The following DNHD1 variants were observed in gnomAD, a reference collection of about 807,000 sequenced individuals.
The protein encoded by DNHD1 is dynein heavy chain domain 1.
DNHD1 carries 383 observed loss-of-function variants against 458.1 expected under a neutral mutation model. The observed-to-expected ratio is 0.84, with a 90% confidence interval of 0.77 to 0.91. The LOEUF (loss-of-function observed/expected upper bound fraction) is 0.91. Ranked by LOEUF, DNHD1 falls within the 40% of genes least tolerant of loss-of-function variation. DNHD1 has a pLI of 0.00. For missense variants in DNHD1, 5,336 were observed against 5,866.1 expected, an observed-to-expected ratio of 0.91 and a Z score of 2.95; for synonymous variants, 2,203 against 2,376.9, an observed-to-expected ratio of 0.93 and a Z score of 2.13.
intron 24 of DNHD1, among the ~76,000 whole-genome samples, chr11:6,551,657 C>A (rs776381437): frequency 5.3e-5 from 8 of 152,152 alleles, no homozygotes; most frequent in Admixed American, 1.3e-4. Flanking sequence ...AAAAAGGGAG[C>A]CAGGGCCGGG....
In DNHD1 at chr11:6,548,399, C is replaced by T. The variant is rs1853268249; in HGVS notation, c.7095C>T (p.Ile2365=). The change falls in exon 23 of 43, where the codon ATC becomes ATT. Residue 2365 remains isoleucine, a synonymous_variant. Coordinates refer to ENST00000254579, the MANE Select transcript of DNHD1 (RefSeq NM_144666.3). The surrounding 1 kb of genome is among the most constrained non-coding windows in gnomAD (Gnocchi z 4.4). ...CTTTGGGCACCTTTCACCCTTCTAT[C>T]CAGGTGTGAGGACAGTAAGGCAAGA... The part of the protein sequence containing the change: ...KGTLGTFHPS[I]QTERLLYVVD... 1.3e-6 allele frequency: 2 copies of T among 1,551,652 alleles called. No homozygotes were observed. The highest frequency in any genetic ancestry group is 1.7e-6 in the Non-Finnish European group (2 of 1,146,958).
In DNHD1 at chr11:6,548,110, A is replaced by G; in HGVS notation, c.6905+70A>G. ...GACTGGCCCATGGAAGTAAAAACCC[A>G]CATGACATCACTGTTAGGGTATGGT... On this transcript the variant is annotated intron_variant, in intron 22 of 42. Transcript: ENST00000254579. This position sits in a 1 kb window ranked among gnomAD's most constrained non-coding sequence, Gnocchi z 4.4. The G allele has an allele frequency of 1.9e-6, 3 of 1,546,552 alleles. No homozygotes were observed. Among genetic ancestry groups the G allele is most frequent in the Non-Finnish European group, 2.6e-6 (3 of 1,142,406 alleles).
In DNHD1 at chr11:6,566,694, G is replaced by T. The variant is rs1853708487; in HGVS notation, c.11314G>T (p.Glu3772Ter). Reference protein sequence around the residue: ...LHEILCREYPELETRWQDLKI... With the variant: ...LHEILCREYP ...TGAAATCTTGTGCAGAGAGTATCCT[G>T]AACTCGAGACCCGCTGGCAGGACCT... is the stretch of plus-strand genomic sequence containing the variant. The change falls in exon 35 of 43, where the codon GAA becomes TAA. Residue 3772 changes from glutamate to a stop codon, truncating the protein, a stop_gained. Coordinates refer to ENST00000254579, the MANE Select transcript of DNHD1 (RefSeq NM_144666.3). LOFTEE classifies it high-confidence loss of function. 6.2e-7 allele frequency: 1 copy of T among 1,612,792 alleles called. No homozygotes were observed. The highest frequency in any genetic ancestry group is 8.5e-7 in the Non-Finnish European group (1 of 1,179,448).
At chr11:6,533,546 C>T in intron 13 of DNHD1, 135 bp from the exon 14 acceptor site, 1 of 1,156,638 alleles carries the variant, frequency 8.6e-7, no homozygotes, top group East Asian at 2.6e-5. Flanking sequence ...GAGATTGCCC[C>T]TGATTCCAGT....
chr11:6,567,039 A>G lies in DNHD1; in HGVS notation c.11530A>G (p.Met3844Val), dbSNP rs762541919. The G allele has an allele frequency of 2.5e-6, 4 of 1,613,960 alleles. No individual in the cohort carries two copies. The highest frequency in any genetic ancestry group is 2.5e-6 in the Non-Finnish European group (3 of 1,179,874). The change falls in exon 36 of 43, where the codon ATG becomes GTG. Residue 3844 changes from methionine (M) to valine (V), a missense_variant. Physicochemically the swap from Met to Val is conservative, Grantham distance 21 (BLOSUM62 1). Coordinates refer to ENST00000254579, the MANE Select transcript of DNHD1 (RefSeq NM_144666.3). ...GTTAGAAGGGCAGAAACTACAGGAG[A>G]TGGTATTGTGGGCACCCTATCGACC... ...EELEGQKLQE[M>V]VLWAPYRPVV...
At chr11:6,553,093 T>C (rs1853396571) in intron 24 of DNHD1, among the ~76,000 whole-genome samples, 1 of 152,234 alleles carries the variant, frequency 6.6e-6, no homozygotes, top group Admixed American at 6.5e-5. Context: ...TAAACCTAAA[T>C]GCAAAAATAA....
intron 7 of DNHD1, among the ~76,000 whole-genome samples, chr11:6,514,069 A>G (rs1852404200): frequency 6.6e-6 from 1 of 151,900 alleles, no homozygotes; most frequent in African/African-American, 2.4e-5. Context: ...GATGGTCTCA[A>G]TCTCCTGACC....
At chr11:6,541,713 G>A (rs553695523) in intron 18 of DNHD1, among the ~76,000 whole-genome samples, 36 of 152,332 alleles carry the variant, frequency 2.4e-4, no homozygotes, top group Middle Eastern at 6.8e-3. Flanking sequence ...TTTGTGGGTA[G>A]TAACATAATT....
At chr11:6,520,990 G>GT in intron 10 of DNHD1, 7 of 472,114 alleles carry the variant, frequency 1.5e-5, no homozygotes, top group Non-Finnish European at 1.9e-5. Context: ...TTCACTGAAA[G>GT]GAACCTGTGT....
In DNHD1 at chr11:6,557,256, C is replaced by T; in HGVS notation, c.7961C>T (p.Thr2654Ile). 1 of 1,551,590 alleles carries T rather than the reference C, an allele frequency of 6.4e-7. No individual in the cohort carries two copies. Among genetic ancestry groups the T allele is most frequent in the South Asian group, 1.2e-5 (1 of 84,062 alleles). ...CTTTGGTTGCATGAGGCACAGAGAA[C>T]CTTTTGCGACCGGCTGGACAGCCCC... is the stretch of plus-strand genomic sequence containing the variant. ...VRLWLHEAQR[T>I]FCDRLDSPRE... Residue 2654 changes from threonine to isoleucine, a missense_variant, in exon 25 of 43, where the codon ACC becomes ATC. Physicochemically the swap from Thr to Ile is moderately conservative, Grantham distance 89. This residue lies in a region of DNHD1 where 3,932 missense variants were observed against 4,365.6 expected (regional missense o/e 0.90). Coordinates refer to ENST00000254579, the MANE Select transcript of DNHD1 (RefSeq NM_144666.3).
In DNHD1 at chr11:6,498,775, C is replaced by A; in HGVS notation, c.560C>A (p.Pro187Gln). ...GAGGAGCTGGCCACCTGGCTGCGAC[C>A]ATTGACACTGCCTGAGCTACAGCGC... ...VKEELATWLR[P>Q]LTLPELQRCL... Residue 187 changes from proline (P) to glutamine (Q), a missense_variant, in exon 3 of 43, where the codon CCA becomes CAA. Pro to Gln is a moderately conservative substitution (Grantham distance 76). This residue lies in a region of DNHD1 where 3,932 missense variants were observed against 4,365.6 expected (regional missense o/e 0.90). Transcript: ENST00000254579. 6.2e-7 allele frequency: 1 copy of A among 1,614,216 alleles called. No homozygotes were observed. The highest frequency in any genetic ancestry group is 8.5e-7 in the Non-Finnish European group (1 of 1,180,028).
chr11:6,562,889 G>C (rs1022623412), intron 28 of DNHD1, 93 bp from the exon 29 acceptor site: 1 of 1,410,316 alleles, frequency 7.1e-7, no homozygotes, highest in African/African-American at 1.4e-5. Context: ...TTTCAAGTGA[G>C]GAGTGTGCTA....
Position 6,568,715 on chromosome 11 carries a change from C to T in DNHD1, c.12712C>T (p.Leu4238=). ...MPVFWNQSLE[L]GHVLIDSVEL... ...TGTTTTCTGGAACCAGTCCCTGGAG[C>T]TGGGCCATGTTTTGATTGACAGTGT... The change falls in exon 39 of 43, where the codon CTG becomes TTG. Residue 4238 remains leucine, a synonymous_variant. Transcript: ENST00000254579. The T allele has an allele frequency of 6.2e-7, 1 of 1,613,864 alleles. No individual in the cohort carries two copies. Among genetic ancestry groups the T allele is most frequent in the Non-Finnish European group, 8.5e-7 (1 of 1,179,840 alleles).
In DNHD1 at chr11:6,511,438, C is replaced by T. The variant is rs144297192; in HGVS notation, c.1392+9C>T. ...CATCCATTCTTCGACTGGTAAGAGG[C>T]TCTTAGTTTATTGTGGACCTCTTCC... On this transcript the variant is annotated intron_variant, in intron 7 of 42. Transcript: ENST00000254579. 4 of 1,613,140 alleles carry T rather than the reference C, an allele frequency of 2.5e-6. No individual in the cohort carries two copies. The highest frequency in any genetic ancestry group is 3.4e-6 in the Non-Finnish European group (4 of 1,179,432).
At chr11:6,544,307 A>G in intron 19 of DNHD1, 61 bp downstream of exon 19, 1 of 1,542,322 alleles carries the variant, frequency 6.5e-7, no homozygotes, top group Non-Finnish European at 8.8e-7. Flanking sequence ...TCCCAGAGGG[A>G]TGGGGGTGAG....
intron 24 of DNHD1, among the ~76,000 whole-genome samples, chr11:6,549,416 T>A (rs1351319781): frequency 2.0e-5 from 3 of 152,254 alleles, no homozygotes; most frequent in Non-Finnish European, 4.4e-5. Context: ...CTTATTTCCA[T>A]GGTTCAGATG....
chr11:6,537,699 G>A (rs1046201317), intron 14 of DNHD1, among the ~76,000 whole-genome samples: 19 of 152,160 alleles, frequency 1.2e-4, no homozygotes, highest in Non-Finnish European at 1.5e-4. Flanking sequence ...TTGGGAGGCC[G>A]AGGCGGGCGG....
chr11:6,498,864 C>G lies in DNHD1; in HGVS notation c.649C>G (p.Leu217Val). 1 of 1,614,228 alleles carries G rather than the reference C, an allele frequency of 6.2e-7. No homozygotes were observed. The highest frequency in any genetic ancestry group is 1.3e-5 in the African/African-American group (1 of 75,052). The change falls in exon 3 of 43, where the codon CTC becomes GTC. Residue 217 changes from leucine to valine, a missense_variant. This residue lies in a region of DNHD1 where 3,932 missense variants were observed against 4,365.6 expected (regional missense o/e 0.90). Coordinates refer to ENST00000254579, the MANE Select transcript of DNHD1 (RefSeq NM_144666.3). Reference protein sequence around the residue: ...EEAVWLDGLSLLPLALAADIP... With the variant: ...EEAVWLDGLSVLPLALAADIP... ...GGCTGTGTGGCTGGATGGACTTAGT[C>G]TCCTTCCCTTGGCACTGGCAGCGGA...
Position 6,566,756 on chromosome 11 carries a change from G to A in DNHD1, c.11376G>A (p.Glu3792=). Residue 3792 remains glutamate, a synonymous_variant, in exon 35 of 43, where the codon GAG becomes GAA. Transcript: ENST00000254579. ...IRALDTCKAV[E]AAEERLLTML... is the part of the protein sequence containing the mutation. ...CCCTAGATACCTGCAAGGCTGTGGA[G>A]GCTGCTGAGGTGCTTGGGGGCTCAG... The A allele has an allele frequency of 1.9e-6, 3 of 1,610,214 alleles. No individual in the cohort carries two copies. The highest frequency in any genetic ancestry group is 2.2e-5 in the South Asian group (2 of 90,238).
Sources: gnomAD v4.1 joint callset for allele counts (sites outside exome capture counted in the v4.1 genomes callset) on GRCh38, gnomAD v4.1.1 for gene constraint, gnomAD v4.1.1 regional missense constraint, Gnocchi (gnomAD v3.1) non-coding constraint, MANE v1.5 for transcripts, NCBI Gene and HGNC (gene_info 2026-07-23, HGNC 2026-07-21) for gene names.